The following KCTD3 variants were observed in gnomAD, a reference collection of about 807,000 sequenced individuals.
KCTD3 encodes the protein BTB/POZ domain-containing protein KCTD3.
In KCTD3, 41 loss-of-function variants were observed where a neutral mutation model predicts 85.8. The observed-to-expected ratio is 0.48, with a 90% confidence interval of 0.37 to 0.62. KCTD3 has a LOEUF of 0.62. Among genes scored for constraint, KCTD3 ranks in the 20% least tolerant of loss-of-function variants. KCTD3 has a pLI of 0.00. For synonymous variants in KCTD3, 338 were observed against 345.4 expected, an observed-to-expected ratio of 0.98 and a Z score of 0.24; for missense variants, 724 against 989.9, an observed-to-expected ratio of 0.73 and a Z score of 3.60.
At position 215,620,195 on chromosome 1, in the gene KCTD3, T is replaced by G. The variant is rs1216075478; in HGVS notation, c.2025T>G (p.Asn675Lys). Reference protein sequence around the residue: ...FHSYRDFQTINLNRNVERAVP... With the variant: ...FHSYRDFQTIKLNRNVERAVP... ...GTTATAGGGACTTCCAGACTATTAA[T>G]TTGAACAGAAATGTAGAAAGAGCTG... The change falls in exon 18 of 18, where the codon AAT becomes AAG. Residue 675 changes from asparagine (N) to lysine (K), a missense_variant. Coordinates refer to ENST00000259154, the MANE Select transcript of KCTD3 (RefSeq NM_016121.5). The G allele has an allele frequency of 3.7e-6, 6 of 1,613,736 alleles. No homozygotes were observed. Among genetic ancestry groups the G allele is most frequent in the Non-Finnish European group, 5.1e-6 (6 of 1,179,812 alleles).
intron 9 of KCTD3, among the ~76,000 whole-genome samples, chr1:215,592,041 C>T (rs1347673530): frequency 2.6e-5 from 4 of 152,120 alleles, no homozygotes; most frequent in African/African-American, 9.7e-5. Context: ...CAGAGAAACT[C>T]CTGTTTTTAA....
chr1:215,618,598 T>C, intron 15 of KCTD3: 2 of 256,506 alleles, frequency 7.8e-6, no homozygotes, highest in Non-Finnish European at 1.5e-5. Context: ...AATTGTTCTC[T>C]CTCAGGTTCT....
chr1:215,587,776 A>G (rs920712746), intron 9 of KCTD3, among the ~76,000 whole-genome samples: 1 of 152,228 alleles, frequency 6.6e-6, no homozygotes, highest in African/African-American at 2.4e-5. Context: ...CAAAACTCTA[A>G]AATCATATCA....
intron 5 of KCTD3, 58 bp from the exon 6 acceptor site, chr1:215,577,943 G>T: frequency 6.3e-7 from 1 of 1,575,512 alleles, no homozygotes; most frequent in Non-Finnish European, 8.6e-7. Flanking sequence ...AATAAAAATG[G>T]AGTACTGTTT....
intron 6 of KCTD3, 55 bp downstream of exon 6, chr1:215,578,136 C>A: frequency 6.9e-7 from 1 of 1,447,696 alleles, no homozygotes; most frequent in Non-Finnish European, 9.6e-7. Context: ...TAAGCAAGTA[C>A]AAGCATATGA....
intron 10 of KCTD3, among the ~76,000 whole-genome samples, chr1:215,599,046 T>C (rs1226475515): frequency 6.6e-6 from 1 of 152,190 alleles, no homozygotes; most frequent in Admixed American, 6.5e-5. Context: ...TGCCTGTCAT[T>C]AGACTTTGAT....
intron 14 of KCTD3, among the ~76,000 whole-genome samples, chr1:215,609,878 C>A (rs1655164309): frequency 6.6e-6 from 1 of 151,800 alleles, no homozygotes; most frequent in African/African-American, 2.4e-5. Flanking sequence ...TGAAGATATA[C>A]CTGGTTTCTG....
chr1:215,601,991 G>A, intron 11 of KCTD3, 37 bp downstream of exon 11: 1 of 1,439,444 alleles, frequency 6.9e-7, no homozygotes, highest in Non-Finnish European at 9.7e-7. Flanking sequence ...CCTGCTTAAT[G>A]TAATTTTTTA....
rs73085444 is a variant in KCTD3, at chr1:215,595,612, G to A, written c.933+141G>A. On this transcript the variant is annotated intron_variant, in intron 10 of 17. Coordinates refer to ENST00000259154, the MANE Select transcript of KCTD3 (RefSeq NM_016121.5). The stretch of plus-strand genomic sequence containing the variant: ...AATAAATGTAGTGGTAAATTTTTTT[G>A]CTAGATGCATATTTGAGCATATTTT... 1.3e-3 allele frequency: 700 copies of A among 550,490 alleles called. 5 individuals are homozygous for A. Among genetic ancestry groups the A allele is most frequent in the African/African-American group, 0.012 (657 of 53,188 alleles). The allele number at this position is 550,490 out of a possible 1,614,324, so 34.1% of individuals were successfully genotyped here. A position where few individuals can be genotyped will look rare whatever the true frequency, so the allele number is the denominator to read the frequency against.
chr1:215,591,054 C>G (rs1819739), intron 9 of KCTD3, among the ~76,000 whole-genome samples: 89,796 of 151,868 alleles, frequency 0.59, 29,761 homozygotes, highest in African/African-American at 0.9. Context: ...CTTTTCAAGG[C>G]TGTAGTTCTT....
chr1:215,590,299 T>C (rs138629139), intron 9 of KCTD3, among the ~76,000 whole-genome samples: 2 of 152,350 alleles, frequency 1.3e-5, no homozygotes, highest in African/African-American at 4.8e-5. Flanking sequence ...CTGTTACTTA[T>C]TTGTAAATGT....
At chr1:215,576,360 C>G (rs551483992) in intron 4 of KCTD3, among the ~76,000 whole-genome samples, 1 of 151,606 alleles carries the variant, frequency 6.6e-6, no homozygotes, top group Non-Finnish European at 1.5e-5. Context: ...TGAGCCACTA[C>G]GCCCAGCCAG....
At chr1:215,582,714 A>T (rs1202682667) in intron 8 of KCTD3, among the ~76,000 whole-genome samples, 2 of 152,020 alleles carry the variant, frequency 1.3e-5, no homozygotes, top group Non-Finnish European at 2.9e-5. Context: ...GGTGTGCACC[A>T]CCACACCTGG....
chr1:215,585,090 C>CA (rs990525232), intron 8 of KCTD3, among the ~76,000 whole-genome samples: 3 of 151,856 alleles, frequency 2.0e-5, no homozygotes, highest in Non-Finnish European at 4.4e-5. Flanking sequence ...TCCAGACCCC[C>CA]AAAAAAGAGT....
Position 215,567,614 on chromosome 1 carries a change from C to A in KCTD3, c.-72C>A. 1 of 1,020,662 alleles carries A rather than the reference C, an allele frequency of 9.8e-7. No individual in the cohort carries two copies. The highest frequency in any genetic ancestry group is 3.6e-5 in the East Asian group (1 of 28,024). The allele number at this position is 1,020,662 out of a possible 1,614,324, so 63.2% of individuals were successfully genotyped here. A position where few individuals can be genotyped will look rare whatever the true frequency, so the allele number is the denominator to read the frequency against. On this transcript the variant is annotated 5_prime_UTR_variant, in exon 1 of 18. Transcript: ENST00000259154. ...GGCCCTGCAGCCGTCGCCGCTGCCT[C>A]GGGCTACAGCCCCGGGCTCGGCGGT... is the stretch of plus-strand genomic sequence containing the variant.
chr1:215,587,023 A>G (rs1473883881), intron 9 of KCTD3, among the ~76,000 whole-genome samples: 4 of 151,968 alleles, frequency 2.6e-5, no homozygotes, highest in Non-Finnish European at 5.9e-5. Flanking sequence ...CTTGCTCCTC[A>G]TTGTTGCTTC....
intron 1 of KCTD3, among the ~76,000 whole-genome samples, chr1:215,573,292 A>AT (rs1558227042): frequency 6.6e-6 from 1 of 152,100 alleles, no homozygotes; most frequent in Non-Finnish European, 1.5e-5. Context: ...ATCAAGAAAG[A>AT]TGGACGGATC....
At position 215,571,677 on chromosome 1, in the gene KCTD3, C is replaced by G. The variant is rs59026507; in HGVS notation, c.84-2109C>G. ...ACGGAGTCTCGCTTTGTCGCCCATG[C>G]TGGAGTGCAGTGGCGCGATCTCAGC... On this transcript the variant is annotated intron_variant, in intron 1 of 17. Coordinates refer to ENST00000259154, the MANE Select transcript of KCTD3 (RefSeq NM_016121.5). Among the ~76,000 whole-genome samples the G allele has an allele frequency of 6.0e-3, 889 of 148,642 alleles. 20 individuals are homozygous for G. In the South Asian group the frequency reaches 0.068, roughly 11 times the overall value.
At position 215,591,287 on chromosome 1, in the gene KCTD3, TTTCCTTCCTTCCTTCCTTCCTTCC is replaced by T. The variant is rs10592000; in HGVS notation, c.818-4033_818-4010del. Among the ~76,000 whole-genome samples the T allele has an allele frequency of 1.4e-3, 151 of 111,032 alleles. 1 individual carries two copies. The highest frequency in any genetic ancestry group is 4.2e-3 in the Middle Eastern group (1 of 236). The allele number at this position is 111,032 out of a possible 152,430, so 72.8% of individuals were successfully genotyped here. A position where few individuals can be genotyped will look rare whatever the true frequency, so the allele number is the denominator to read the frequency against. Reference sequence around the variant, plus strand: ...TTCTTTCTCTCTCTCTCCTTCCTTCTTTCCTTCCTTCCTTCCTTCCTTCCTTCCTTCCTTCCTTCCTTCCTTCCT... The same window carrying T: ...TTCTTTCTCTCTCTCTCCTTCCTTCTTTCCTTCCTTCCTTCCTTCCTTCCT... On this transcript the variant is annotated intron_variant, in intron 9 of 17. Coordinates refer to ENST00000259154, the MANE Select transcript of KCTD3 (RefSeq NM_016121.5).
Sources: allele counts gnomAD v4.1 joint callset (sites outside exome capture counted in the v4.1 genomes callset), GRCh38; gene constraint gnomAD v4.1.1; transcripts MANE v1.5; gene names NCBI Gene and HGNC (gene_info 2026-07-23, HGNC 2026-07-21).